The following KIF21B variants were observed in gnomAD, a reference collection of about 807,000 sequenced individuals.
KIF21B encodes the protein kinesin-like protein KIF21B.
Under a neutral mutation model 192.9 loss-of-function variants are expected in KIF21B, and 85 were observed. The ratio of observed to expected loss-of-function variants is 0.44; its 90% CI spans 0.37 to 0.53. KIF21B has a LOEUF of 0.53. Ranked by LOEUF, KIF21B falls within the 20% of genes least tolerant of loss-of-function variation. The pLI, the probability that KIF21B is intolerant of heterozygous loss-of-function variation, is 0.00. For synonymous variants in KIF21B, 832 were observed against 884.6 expected (o/e 0.94, Z 1.05); for missense variants, 1,716 against 2,194.8 (o/e 0.78, Z 4.36).
chr1:201,016,992 G>T (rs1360882714), intron 1 of KIF21B, among the ~76,000 whole-genome samples: 1 of 152,100 alleles, frequency 6.6e-6, no homozygotes, highest in East Asian at 1.9e-4. Context: ...GAGGCCTTGG[G>T]GTGTCAGCTT....
At chr1:200,984,734 G>A (rs996869990) in intron 27 of KIF21B, 125 bp downstream of exon 27, 2 of 603,878 alleles carry the variant, frequency 3.3e-6, no homozygotes, top group Admixed American at 3.9e-5. Flanking sequence ...CTCAGCTCTT[G>A]GAGGGGCTGG....
chr1:201,002,100 G>C, intron 9 of KIF21B, 61 bp downstream of exon 9: 1 of 1,458,374 alleles, frequency 6.9e-7, no homozygotes, highest in Middle Eastern at 2.2e-4. Flanking sequence ...TGGGGTGGAT[G>C]TCGGGGGAGG....
chr1:201,008,875 G>T lies in KIF21B; in HGVS notation c.341C>A (p.Pro114Gln), dbSNP rs369827699. ...ATSEEEQGIIPRAIAHLFGGI... is the reference protein window; with the variant it reads ...ATSEEEQGIIQRAIAHLFGGI... Reference sequence around the variant, plus strand: ...CCCAAAGAGGTGTGCGATGGCCCTCGGGATGATGCCCTGCTCCTCCTCCGA... The same window carrying T: ...CCCAAAGAGGTGTGCGATGGCCCTCTGGATGATGCCCTGCTCCTCCTCCGA... The change falls in exon 3 of 35, where the codon CCG (proline) becomes CAG (glutamine). Residue 114 changes from proline to glutamine, a missense_variant. This residue lies in a region of KIF21B where 1,087 missense variants were observed against 1,316.6 expected (regional missense o/e 0.83). Coordinates refer to ENST00000461742, the MANE Select transcript of KIF21B (RefSeq NM_001252102.2). The T allele has an allele frequency of 6.2e-7, 1 of 1,611,564 alleles. No individual in the cohort carries two copies.
At chr1:200,980,358 G>A (rs111409720) in intron 29 of KIF21B, among the ~76,000 whole-genome samples, 12 of 152,296 alleles carry the variant, frequency 7.9e-5, no homozygotes, top group African/African-American at 2.6e-4. Flanking sequence ...GGACTCAAAC[G>A]ATCCTCCCAC....
rs1657777147 is a variant in KIF21B at position 201,005,699 on chromosome 1, G to A, written c.448-5C>T. On this transcript the variant is annotated splice_polypyrimidine_tract_variant and splice_region_variant and intron_variant, in intron 3 of 34. Coordinates refer to ENST00000461742, the MANE Select transcript of KIF21B (RefSeq NM_001252102.2). ...AAGGATCTCCTCGTTGTAGAGCTGTGCAGGAAGGAAACAGCTGAATTCATA... is the reference window on the plus strand; with the variant it reads ...AAGGATCTCCTCGTTGTAGAGCTGTACAGGAAGGAAACAGCTGAATTCATA... 2 of 1,613,308 alleles carry A rather than the reference G, an allele frequency of 1.2e-6. No individual in the cohort carries two copies. The highest frequency in any genetic ancestry group is 1.7e-6 in the Non-Finnish European group (2 of 1,179,620).
At position 200,988,869 on chromosome 1, in the gene KIF21B, C is replaced by T. The variant is rs758358260; in HGVS notation, c.3195G>A (p.Thr1065=). 1.2e-5 allele frequency: 20 copies of T among 1,613,010 alleles called. No individual in the cohort carries two copies. In the East Asian group the frequency reaches 2.5e-4, roughly 20 times the overall value. ...GGTTCTGGGAGGAGCCTGCCATATC[C>T]GTCTGCCTCAGTCGGCCCTCCAACA... is the stretch of plus-strand genomic sequence containing the variant. ...IRLLEGRLRQ[T]DMAGSSQNHL... Residue 1065 remains threonine (T), a synonymous_variant, in exon 22 of 35, where the codon ACG becomes ACA. Coordinates refer to ENST00000461742, the MANE Select transcript of KIF21B (RefSeq NM_001252102.2).
At chr1:201,019,900 C>G (rs772939918) in intron 1 of KIF21B, among the ~76,000 whole-genome samples, 1 of 152,186 alleles carries the variant, frequency 6.6e-6, no homozygotes, top group Non-Finnish European at 1.5e-5. Flanking sequence ...CACCACTGCT[C>G]TTGGTTCAAA....
At chr1:201,019,180 G>A (rs758515633) in intron 1 of KIF21B, among the ~76,000 whole-genome samples, 2 of 152,156 alleles carry the variant, frequency 1.3e-5, no homozygotes, top group Non-Finnish European at 1.5e-5. Context: ...TGATCCACCT[G>A]CCTCAGCCTC....
Position 200,999,645 on chromosome 1 carries a change from G to A in KIF21B, c.1768-179C>T, listed in dbSNP as rs111339484. ...GAGTGCCGCCTCCCCCAACACCACCGCAGAACCCCTCTAGGAGGGCCTCCC... is the reference window on the plus strand; with the variant it reads ...GAGTGCCGCCTCCCCCAACACCACCACAGAACCCCTCTAGGAGGGCCTCCC... On this transcript the variant is annotated intron_variant, in intron 12 of 34. Coordinates refer to ENST00000461742, the MANE Select transcript of KIF21B (RefSeq NM_001252102.2). This position sits in a 1 kb window ranked among gnomAD's most constrained non-coding sequence, Gnocchi z 4.7. Among the ~76,000 whole-genome samples the A allele has an allele frequency of 0.01, 1,377 of 132,944 alleles. 29 individuals are homozygous for A. The highest frequency in any genetic ancestry group is 0.037 in the African/African-American group (1,325 of 35,832). The allele number at this position is 132,944 out of a possible 152,430, so 87.2% of individuals were successfully genotyped here.
At position 201,003,797 on chromosome 1, in the gene KIF21B, G is replaced by T. The variant is rs1435258616; in HGVS notation, c.1017-16C>A. 1 of 1,613,972 alleles carries T rather than the reference G, an allele frequency of 6.2e-7. No homozygotes were observed. Among genetic ancestry groups the T allele is most frequent in the African/African-American group, 1.3e-5 (1 of 74,924 alleles). Reference sequence around the variant, plus strand: ...GATGGTCTGGCTGGGGGTGCAGAAAGGCTGTTGTGAGGGTGAGGGACACAG... The same window carrying T: ...GATGGTCTGGCTGGGGGTGCAGAAATGCTGTTGTGAGGGTGAGGGACACAG... On this transcript the variant is annotated splice_polypyrimidine_tract_variant and intron_variant, in intron 7 of 34. Transcript: ENST00000461742.
chr1:200,980,478 C>T (rs1655841158), intron 29 of KIF21B, among the ~76,000 whole-genome samples: 2 of 152,256 alleles, frequency 1.3e-5, no homozygotes, highest in Admixed American at 1.3e-4. Flanking sequence ...TCTCAAACTC[C>T]TGGGCTTAAG....
In KIF21B at chr1:200,977,274, G is replaced by C; in HGVS notation, c.4263C>G (p.Ser1421Arg). The C allele has an allele frequency of 1.9e-6, 3 of 1,614,228 alleles. No homozygotes were observed. Among genetic ancestry groups the C allele is most frequent in the Non-Finnish European group, 1.7e-6 (2 of 1,180,016 alleles). The change falls in exon 31 of 35, where the codon AGC becomes AGG. Residue 1421 changes from serine to arginine, a missense_variant. Physicochemically the swap from Ser to Arg is moderately radical, Grantham distance 110. Coordinates refer to ENST00000461742, the MANE Select transcript of KIF21B (RefSeq NM_001252102.2). ...CGGCGTACAGCATGGTGCCCGAAGG[G>C]CTGAGGGCGATCTGGTTGATCTGAT... Reference protein sequence around the residue: ...GEHQINQIALSPSGTMLYAAS... With the variant: ...GEHQINQIALRPSGTMLYAAS...
At chr1:201,010,675 C>T (rs1658182017) in intron 1 of KIF21B, among the ~76,000 whole-genome samples, 2 of 152,110 alleles carry the variant, frequency 1.3e-5, no homozygotes, top group Admixed American at 1.3e-4. Flanking sequence ...CAACACTCAC[C>T]AAGAGAAGAA....
chr1:200,988,738 G>A (rs1427878764), intron 22 of KIF21B, 28 bp downstream of exon 22: 3 of 1,587,142 alleles, frequency 1.9e-6, no homozygotes, highest in South Asian at 2.3e-5. Context: ...CCAAGGAGCT[G>A]GCAGCTTCCA....
At chr1:201,014,433 AGAGGAGACAGG>A (rs1658392619) in intron 1 of KIF21B, among the ~76,000 whole-genome samples, 1 of 152,204 alleles carries the variant, frequency 6.6e-6, no homozygotes. Context: ...AGGGGAGGAC[AGAGGAGACAGG>A]GAGGAGGCAG....
intron 8 of KIF21B, chr1:201,003,333 C>A: frequency 1.8e-6 from 1 of 555,410 alleles, no homozygotes; most frequent in Non-Finnish European, 3.2e-6. Context: ...AGCTGGGGAG[C>A]CCTTCTTTCT....
At chr1:200,993,346 T>A (rs916829649) in intron 15 of KIF21B, among the ~76,000 whole-genome samples, 8 of 152,098 alleles carry the variant, frequency 5.3e-5, no homozygotes, top group Non-Finnish European at 1.2e-4. Flanking sequence ...TTCCTTCCCC[T>A]CTCCAGGGCT....
At position 200,974,993 on chromosome 1, in the gene KIF21B, G is replaced by A. The variant is rs1471277485; in HGVS notation, c.4615-80C>T. The A allele has an allele frequency of 8.4e-6, 12 of 1,426,766 alleles. 1 individual carries two copies. In the South Asian group the frequency reaches 1.3e-4, roughly 16 times the overall value. 88.4% of individuals were successfully genotyped at this position (1,426,766 alleles called of 1,614,324 possible). A position where few individuals can be genotyped will look rare whatever the true frequency, so the allele number is the denominator to read the frequency against. On this transcript the variant is annotated intron_variant, in intron 33 of 34. Transcript: ENST00000461742. The stretch of plus-strand genomic sequence containing the variant: ...TGCCCCAGGGCCCCTCTTGCTAGTA[G>A]TGGAGCTACTTCCAGGCTCCCCTGG...
At position 201,000,632 on chromosome 1, in the gene KIF21B, G is replaced by C. The variant is rs778283505; in HGVS notation, c.1467-24C>G. 12 of 1,613,112 alleles carry C rather than the reference G, an allele frequency of 7.4e-6. No homozygotes were observed. The highest frequency in any genetic ancestry group is 6.6e-5 in the South Asian group (6 of 91,076). The stretch of plus-strand genomic sequence containing the variant: ...TCCTGCACAGGAAGAACGAGTGGAC[G>C]GGGCCGAGTGAGCTGCCACAGCCCT... On this transcript the variant is annotated intron_variant, in intron 10 of 34. Coordinates refer to ENST00000461742, the MANE Select transcript of KIF21B (RefSeq NM_001252102.2). The surrounding 1 kb of genome is among the most constrained non-coding windows in gnomAD (Gnocchi z 6.0).
Sources: allele counts gnomAD v4.1 joint callset (sites outside exome capture counted in the v4.1 genomes callset), GRCh38; gene constraint gnomAD v4.1.1; regional missense constraint gnomAD v4.1.1; non-coding constraint Gnocchi (gnomAD v3.1); transcripts MANE v1.5; gene names NCBI Gene and HGNC (gene_info 2026-07-23, HGNC 2026-07-21).